EXOC4: variants seen among roughly 807,000 people sequenced by gnomAD.
EXOC4 encodes exocyst complex component 4.
EXOC4 carries 71 observed loss-of-function variants against 107.2 expected under a neutral mutation model. The ratio of observed to expected loss-of-function variants is 0.66; its 90% confidence interval spans 0.55 to 0.81. The LOEUF is 0.81. Among genes scored for constraint, EXOC4 ranks in the 30% least tolerant of loss-of-function variants. The pLI is 0.00. For missense variants in EXOC4, 1,108 were observed against 1,189.6 expected (o/e 0.93, Z 1.01); for synonymous variants, 456 against 441.2 (o/e 1.03, Z -0.42).
chr7:133,963,350 A>T (rs2116844946), intron 14 of EXOC4, among the ~76,000 whole-genome samples: 1 of 152,364 alleles, frequency 6.6e-6, no homozygotes, highest in South Asian at 2.1e-4. Context: ...TTAAGGGTTT[A>T]GGGTACACAT....
chr7:133,591,449 G>C (rs1018809838), intron 9 of EXOC4, among the ~76,000 whole-genome samples: 11 of 152,002 alleles, frequency 7.2e-5, no homozygotes, highest in South Asian at 4.2e-4. Flanking sequence ...ACTAGATCCT[G>C]TTCAGGCATG....
At chr7:133,972,017 C>CT (rs11410987) in intron 14 of EXOC4, among the ~76,000 whole-genome samples, 152,284 of 152,286 alleles carry the variant, frequency 1, 76,141 homozygotes, top group Middle Eastern at 1. Flanking sequence ...TTCCCATTCT[C>CT]TTGACTTTCT....
chr7:133,968,060 C>T (rs764263471), intron 14 of EXOC4, among the ~76,000 whole-genome samples: 1 of 152,132 alleles, frequency 6.6e-6, no homozygotes, highest in Non-Finnish European at 1.5e-5. Flanking sequence ...CTTCTTGTTG[C>T]ATTAATCCCT....
At chr7:133,901,892 C>T (rs1357834423) in intron 12 of EXOC4, among the ~76,000 whole-genome samples, 3 of 152,062 alleles carry the variant, frequency 2.0e-5, no homozygotes, top group East Asian at 1.9e-4. Context: ...CATCCCTTTA[C>T]TGTTAGGACC....
chr7:133,583,142 A>G (rs1801317975), intron 9 of EXOC4, among the ~76,000 whole-genome samples: 1 of 152,046 alleles, frequency 6.6e-6, no homozygotes, highest in Admixed American at 6.5e-5. Flanking sequence ...TTGTTTCTTC[A>G]TATTCTCACC....
intron 17 of EXOC4, among the ~76,000 whole-genome samples, chr7:134,033,417 C>T (rs1795313111): frequency 6.6e-6 from 1 of 152,046 alleles, no homozygotes; most frequent in Non-Finnish European, 1.5e-5. Flanking sequence ...AGGGAGAGGT[C>T]CCAGCCTGAC....
chr7:133,276,564 A>G (rs143838125), intron 2 of EXOC4, among the ~76,000 whole-genome samples: 18 of 152,210 alleles, frequency 1.2e-4, no homozygotes, highest in Admixed American at 7.8e-4. Context: ...GATATTTTGC[A>G]GAATACCAGC....
Position 133,806,993 on chromosome 7 carries a change from C to T in EXOC4, c.1515-10332C>T, listed in dbSNP as rs184900713. 3.3e-5 allele frequency among the ~76,000 whole-genome samples: 5 copies of T among 152,270 alleles called. No homozygotes were observed. In the East Asian group the frequency reaches 5.8e-4, roughly 18 times the overall value. The stretch of plus-strand genomic sequence containing the variant: ...GCTGATTTTCTTAAATAAATACGGT[C>T]GGCCCTCATATCGCAGGGCTCTGCA... On this transcript the variant is annotated intron_variant, in intron 10 of 17. Coordinates refer to ENST00000253861, the MANE Select transcript of EXOC4 (RefSeq NM_021807.4).
chr7:133,932,814 A>G (rs1316185526), intron 13 of EXOC4, among the ~76,000 whole-genome samples: 1 of 152,056 alleles, frequency 6.6e-6, no homozygotes, highest in East Asian at 1.9e-4. Flanking sequence ...AGGGGAACTG[A>G]CTTTGCAGGC....
intron 11 of EXOC4, among the ~76,000 whole-genome samples, chr7:133,874,358 A>G (rs188670286): frequency 1.9e-4 from 29 of 152,324 alleles, no homozygotes; most frequent in Admixed American, 2.6e-4. Flanking sequence ...GTTCGCAACA[A>G]CCAGTTTTGT....
intron 10 of EXOC4, among the ~76,000 whole-genome samples, chr7:133,803,159 C>T (rs1796988483): frequency 1.3e-5 from 2 of 152,186 alleles, no homozygotes; most frequent in South Asian, 4.1e-4. Context: ...TTAGAACTGG[C>T]TGCCAACATG....
chr7:133,995,801 C>T (rs1392118049), intron 14 of EXOC4, among the ~76,000 whole-genome samples: 2 of 152,154 alleles, frequency 1.3e-5, no homozygotes, highest in Non-Finnish European at 2.9e-5. Context: ...CCTGGATTGT[C>T]TATCCAGGCC....
intron 11 of EXOC4, among the ~76,000 whole-genome samples, chr7:133,823,648 A>G (rs1436348162): frequency 1.3e-5 from 2 of 149,708 alleles, no homozygotes; most frequent in Non-Finnish European, 3.0e-5. Flanking sequence ...AACCCTGTCT[A>G]TAACTAAAAA....
intron 14 of EXOC4, among the ~76,000 whole-genome samples, chr7:133,958,820 G>T (rs1800875138): frequency 6.6e-6 from 1 of 152,180 alleles, no homozygotes; most frequent in African/African-American, 2.4e-5. Context: ...TCTGAAAATG[G>T]TAAAATAGAG....
chr7:133,629,654 C>G (rs949269418), intron 9 of EXOC4, among the ~76,000 whole-genome samples: 1 of 151,988 alleles, frequency 6.6e-6, no homozygotes, highest in Non-Finnish European at 1.5e-5. Context: ...AATTCTCCTG[C>G]CTCAACCTCC....
intron 14 of EXOC4, among the ~76,000 whole-genome samples, chr7:133,966,302 T>C (rs1009634788): frequency 1.3e-5 from 2 of 152,204 alleles, no homozygotes; most frequent in African/African-American, 4.8e-5. Context: ...TCTCTTCCTA[T>C]TTGAATATGC....
chr7:133,870,853 G>A (rs1585212304), intron 11 of EXOC4, among the ~76,000 whole-genome samples: 1 of 152,062 alleles, frequency 6.6e-6, no homozygotes, highest in East Asian at 1.9e-4. Context: ...TGTCATTTTT[G>A]TTTTCCCTCT....
At position 133,709,092 on chromosome 7, in the gene EXOC4, C is replaced by T. The variant is rs1377285559; in HGVS notation, c.1514+78951C>T. 3.3e-5 allele frequency among the ~76,000 whole-genome samples: 5 copies of T among 152,182 alleles called. No individual in the cohort carries two copies. In the East Asian group the frequency reaches 7.7e-4, roughly 23 times the overall value. The stretch of plus-strand genomic sequence containing the variant: ...TCTGGTTGCACAAATGGCTACTTCT[C>T]GTCAGTAACAGCAGGAAGATTTGTA... On this transcript the variant is annotated intron_variant, in intron 10 of 17. Coordinates refer to ENST00000253861, the MANE Select transcript of EXOC4 (RefSeq NM_021807.4).
intron 7 of EXOC4, among the ~76,000 whole-genome samples, chr7:133,450,019 C>G (rs1798305885): frequency 6.6e-6 from 1 of 151,922 alleles, no homozygotes; most frequent in Non-Finnish European, 1.5e-5. Flanking sequence ...TTTCCCTTGT[C>G]CCCTCTTTAA....
Sources: allele counts gnomAD v4.1 joint callset (sites outside exome capture counted in the v4.1 genomes callset), GRCh38; gene constraint gnomAD v4.1.1; transcripts MANE v1.5; gene names NCBI Gene and HGNC (gene_info 2026-07-23, HGNC 2026-07-21).